The following SPTBN1 variants were observed in gnomAD, a reference collection of about 807,000 sequenced individuals.
SPTBN1 encodes the protein spectrin beta chain, non-erythrocytic 1.
A neutral mutation model predicts 266.4 loss-of-function variants in SPTBN1; 32 were observed. The observed-to-expected ratio is 0.12, with a 90% CI of 0.09 to 0.16. The LOEUF is 0.16. SPTBN1 is among the 10% of genes least tolerant of loss of function. The pLI, the probability that SPTBN1 is intolerant of heterozygous loss-of-function variation, is 1.00. For synonymous variants in SPTBN1, 1,336 were observed against 1,162.2 expected (o/e 1.15, Z -3.04); for missense variants, 2,296 against 3,067.1 (o/e 0.75, Z 5.94).
At position 54,669,352 on chromosome 2, in the gene SPTBN1, G is replaced by A. The variant is rs1488726864; in HGVS notation, c.*783G>A. On this transcript the variant is annotated 3_prime_UTR_variant, in exon 36 of 36. Transcript: ENST00000356805. ...CTTTAAATCATTGGTAAGTGTACAAGTGGTGGAACTGAAGCATTTACTGGA... is the reference window on the plus strand; with the variant it reads ...CTTTAAATCATTGGTAAGTGTACAAATGGTGGAACTGAAGCATTTACTGGA... 6.6e-6 allele frequency: 1 copy of A among 152,394 alleles called. No homozygotes were observed. Among genetic ancestry groups the A allele is most frequent in the Non-Finnish European group, 1.5e-5 (1 of 68,024 alleles). 9.4% of individuals were successfully genotyped at this position (152,394 alleles called of 1,614,324 possible). A position where few individuals can be genotyped will look rare whatever the true frequency, so the allele number is the denominator to read the frequency against.
rs75787881 is a variant in SPTBN1 at position 54,618,262 on chromosome 2, G to T, written c.763+69G>T. On this transcript the variant is annotated intron_variant, in intron 7 of 35. Coordinates refer to ENST00000356805, the MANE Select transcript of SPTBN1 (RefSeq NM_003128.3). ...CCATCCAGGTGTTAATGTAAAATCT[G>T]TTTTGTGTCAGTCTGTTTCATTTGG... The T allele has an allele frequency of 1.4e-3, 1,800 of 1,328,924 alleles. 25 individuals are homozygous for T. The East Asian group carries it at 0.03, about 22-fold the overall frequency. 82.3% of individuals were successfully genotyped at this position (1,328,924 alleles called of 1,614,324 possible). A position where few individuals can be genotyped will look rare whatever the true frequency, so the allele number is the denominator to read the frequency against.
In SPTBN1 at chr2:54,649,798, A is replaced by G. The variant is rs770996210; in HGVS notation, c.5386A>G (p.Thr1796Ala). ...GGCCGACCTCCTGGAGCTCATTGAC[A>G]CAAGAACACAGATTCTTGCCGCTTC... ...AWADLLELID[T>A]RTQILAASYE... is the part of the protein sequence containing the mutation. Residue 1796 changes from threonine (T) to alanine (A), a missense_variant, in exon 26 of 36, where the codon ACA (threonine) becomes GCA (alanine). Coordinates refer to ENST00000356805, the MANE Select transcript of SPTBN1 (RefSeq NM_003128.3). This position sits in a 1 kb window ranked among gnomAD's most constrained non-coding sequence, Gnocchi z 6.7. 3 of 1,614,224 alleles carry G rather than the reference A, an allele frequency of 1.9e-6. No individual in the cohort carries two copies. The highest frequency in any genetic ancestry group is 2.2e-5 in the East Asian group (1 of 44,888).
chr2:54,471,458 A>G (rs1026534150), intron 1 of SPTBN1, among the ~76,000 whole-genome samples: 1 of 146,206 alleles, frequency 6.8e-6, no homozygotes, highest in East Asian at 2.0e-4. Flanking sequence ...AGCTCCATTC[A>G]CTCAGATGGT....
chr2:54,646,487 C>T lies in SPTBN1; in HGVS notation c.4866+12C>T, dbSNP rs763496495. ...AGGAGAAGGCCAAGGTGAGAGGAGG[C>T]GGGAAGCATCCCTGTCCCAGGAGAG... On this transcript the variant is annotated intron_variant, in intron 23 of 35. Coordinates refer to ENST00000356805, the MANE Select transcript of SPTBN1 (RefSeq NM_003128.3). This position sits in a 1 kb window ranked among gnomAD's most constrained non-coding sequence, Gnocchi z 4.4. 1.3e-5 allele frequency: 19 copies of T among 1,488,104 alleles called. No homozygotes were observed. In the African/African-American group the frequency reaches 2.1e-4, roughly 16 times the overall value. 92.2% of individuals were successfully genotyped at this position (1,488,104 alleles called of 1,614,324 possible).
intron 1 of SPTBN1, among the ~76,000 whole-genome samples, chr2:54,512,844 A>T (rs1669928310): frequency 1.3e-5 from 2 of 152,156 alleles, no homozygotes; most frequent in Non-Finnish European, 2.9e-5. Context: ...GTTGCATTTC[A>T]CAATTGTTTT....
chr2:54,609,791 A>C (rs895367374), intron 3 of SPTBN1, among the ~76,000 whole-genome samples: 1 of 152,160 alleles, frequency 6.6e-6, no homozygotes, highest in African/African-American at 2.4e-5. Flanking sequence ...CCAAAACATC[A>C]GTAGAACCAA....
Position 54,645,492 on chromosome 2 carries a change from G to C in SPTBN1, c.4494+39G>C. The stretch of plus-strand genomic sequence containing the variant: ...TACTGCACACATGGCTTTTCCACGA[G>C]CCCCCTTGCCTGTGCTAAAGCCCAC... On this transcript the variant is annotated intron_variant, in intron 21 of 35. Transcript: ENST00000356805. This position sits in a 1 kb window ranked among gnomAD's most constrained non-coding sequence, Gnocchi z 4.3. 2 of 1,598,390 alleles carry C rather than the reference G, an allele frequency of 1.3e-6. No homozygotes were observed. The highest frequency in any genetic ancestry group is 1.7e-6 in the Non-Finnish European group (2 of 1,169,592).
At position 54,626,040 on chromosome 2, in the gene SPTBN1, G is replaced by A. The variant is rs1678299141; in HGVS notation, c.1450G>A (p.Val484Met). 3 of 1,614,206 alleles carry A rather than the reference G, an allele frequency of 1.9e-6. No individual in the cohort carries two copies. The highest frequency in any genetic ancestry group is 1.3e-5 in the African/African-American group (1 of 75,044). The change falls in exon 12 of 36, where the codon GTG becomes ATG. Residue 484 changes from valine (V) to methionine (M), a missense_variant. By Grantham distance (21) the Val-to-Met change is conservative. Transcript: ENST00000356805. The surrounding 1 kb of genome is among the most constrained non-coding windows in gnomAD (Gnocchi z 4.7). ...YEERVQAVVA[V>M]ARELEAENYH... Reference sequence around the variant, plus strand: ...GGAGCGTGTGCAGGCTGTGGTAGCCGTGGCCAGGGAGCTCGAGGCCGAGAA... The same window carrying A: ...GGAGCGTGTGCAGGCTGTGGTAGCCATGGCCAGGGAGCTCGAGGCCGAGAA...
chr2:54,588,431 C>G (rs890414634), intron 2 of SPTBN1, among the ~76,000 whole-genome samples: 4 of 152,052 alleles, frequency 2.6e-5, no homozygotes, highest in African/African-American at 7.2e-5. Flanking sequence ...TAAATAGATA[C>G]CATCCCACAC....
intron 1 of SPTBN1, among the ~76,000 whole-genome samples, chr2:54,467,943 T>C (rs1006393599): frequency 5.9e-5 from 9 of 152,140 alleles, no homozygotes. Flanking sequence ...ATATGGAAAC[T>C]AAAGATGAAT....
chr2:54,577,049 T>A (rs1055289550), intron 2 of SPTBN1, among the ~76,000 whole-genome samples: 1 of 152,178 alleles, frequency 6.6e-6, no homozygotes, highest in South Asian at 2.1e-4. Flanking sequence ...TGGGACATCA[T>A]GCAAGTTTTT....
At position 54,670,805 on chromosome 2, in the gene SPTBN1, A is replaced by T. The variant is rs949439839; in HGVS notation, c.*2236A>T. 1.4e-4 allele frequency: 54 copies of T among 398,424 alleles called. No homozygotes were observed. Among genetic ancestry groups the T allele is most frequent in the Non-Finnish European group, 3.1e-5 (7 of 226,044 alleles). The allele number at this position is 398,424 out of a possible 1,614,324, so 24.7% of individuals were successfully genotyped here. On this transcript the variant is annotated 3_prime_UTR_variant, in exon 36 of 36. Coordinates refer to ENST00000356805, the MANE Select transcript of SPTBN1 (RefSeq NM_003128.3). The stretch of plus-strand genomic sequence containing the variant: ...TATTTGCTCTCTCTTGGTGCATTTG[A>T]TAAGGATCCACTGAGGCCTGAATGT...
At chr2:54,574,327 C>T (rs1037487607) in intron 2 of SPTBN1, among the ~76,000 whole-genome samples, 1 of 152,112 alleles carries the variant, frequency 6.6e-6, no homozygotes, top group African/African-American at 2.4e-5. Flanking sequence ...TTGACCACGC[C>T]CTAGCATTAA....
chr2:54,647,066 G>A (rs765428208), intron 23 of SPTBN1, 65 bp from the exon 24 acceptor site: 29 of 1,609,604 alleles, frequency 1.8e-5, no homozygotes, highest in Admixed American at 1.7e-5. Flanking sequence ...CAGCTGGTCT[G>A]TCACTCCTTA....
At position 54,671,201 on chromosome 2, in the gene SPTBN1, G is replaced by C. The variant is rs945643503; in HGVS notation, c.*2632G>C. On this transcript the variant is annotated 3_prime_UTR_variant, in exon 36 of 36. Coordinates refer to ENST00000356805, the MANE Select transcript of SPTBN1 (RefSeq NM_003128.3). ...CATCTCAAGTTGGGATGCATCTTCTGATGGCACTTCCGGAACTGGCTGTGG... is the reference window on the plus strand; with the variant it reads ...CATCTCAAGTTGGGATGCATCTTCTCATGGCACTTCCGGAACTGGCTGTGG... The C allele has an allele frequency of 6.2e-6, 1 of 162,428 alleles. No individual in the cohort carries two copies. The highest frequency in any genetic ancestry group is 1.7e-4 in the East Asian group (1 of 5,918). The allele number at this position is 162,428 out of a possible 1,614,324, so 10.1% of individuals were successfully genotyped here.
chr2:54,506,772 C>T lies in SPTBN1; in HGVS notation c.-47-19600C>T, dbSNP rs531302960. 1.3e-3 allele frequency among the ~76,000 whole-genome samples: 201 copies of T among 151,898 alleles called. 2 individuals are homozygous for T. The highest frequency in any genetic ancestry group is 3.2e-3 in the Middle Eastern group (1 of 316). The stretch of plus-strand genomic sequence containing the variant: ...TAATTATTTAAACACCATCGTAGTG[C>T]GTGCTATGAAAAAACAACAAACCAG... On this transcript the variant is annotated intron_variant, in intron 1 of 35. Transcript: ENST00000356805.
At chr2:54,581,863 A>C (rs1463749369) in intron 2 of SPTBN1, among the ~76,000 whole-genome samples, 1 of 152,128 alleles carries the variant, frequency 6.6e-6, no homozygotes, top group Non-Finnish European at 1.5e-5. Flanking sequence ...AATTACCACA[A>C]GCTATGCTTT....
intron 3 of SPTBN1, among the ~76,000 whole-genome samples, chr2:54,604,048 G>A (rs1407523608): frequency 6.6e-6 from 1 of 152,158 alleles, no homozygotes; most frequent in Non-Finnish European, 1.5e-5. Context: ...GGTAGATATG[G>A]TAAGTCAGGG....
In SPTBN1 at chr2:54,649,861, A is replaced by G. The variant is rs1680155786; in HGVS notation, c.5449A>G (p.Ile1817Val). The G allele has an allele frequency of 1.9e-6, 3 of 1,614,114 alleles. No individual in the cohort carries two copies. The highest frequency in any genetic ancestry group is 8.5e-7 in the Non-Finnish European group (1 of 1,180,006). ...LHKFYHDAKEIFGRIQDKHKK... is the reference protein window; with the variant it reads ...LHKFYHDAKEVFGRIQDKHKK... ...CAAGTTTTACCACGATGCCAAGGAG[A>G]TCTTTGGGCGTATACAGGACAAACA... The change falls in exon 26 of 36, where the codon ATC (isoleucine) becomes GTC (valine). Residue 1817 changes from isoleucine to valine, a missense_variant. Transcript: ENST00000356805. This position sits in a 1 kb window ranked among gnomAD's most constrained non-coding sequence, Gnocchi z 6.7.
Sources: allele counts gnomAD v4.1 joint callset (sites outside exome capture counted in the v4.1 genomes callset), GRCh38; gene constraint gnomAD v4.1.1; non-coding constraint Gnocchi (gnomAD v3.1); transcripts MANE v1.5; gene names NCBI Gene and HGNC (gene_info 2026-07-23, HGNC 2026-07-21).